ANKH: variants seen among roughly 807,000 people sequenced by gnomAD.
The protein encoded by ANKH is ANKH inorganic pyrophosphate transport regulator.
ANKH carries 15 observed loss-of-function variants against 49.0 expected under a neutral mutation model. That is an observed-to-expected ratio of 0.31 (90% confidence interval 0.20 to 0.47). The LOEUF (loss-of-function observed/expected upper bound fraction) is 0.47. Among genes scored for constraint, ANKH ranks in the 20% least tolerant of loss-of-function variants. ANKH has a pLI of 1.00. For synonymous variants in ANKH, 273 were observed against 260.0 expected, an observed-to-expected ratio of 1.05 and a Z score of -0.48; for missense variants, 429 against 652.0, an observed-to-expected ratio of 0.66 and a Z score of 3.72.
chr5:14,739,875 G>A (rs1326194569), intron 8 of ANKH, among the ~76,000 whole-genome samples: 1 of 152,214 alleles, frequency 6.6e-6, no homozygotes, highest in African/African-American at 2.4e-5. Flanking sequence ...AATTTACCCT[G>A]AGAAACTTCA....
At position 14,713,749 on chromosome 5, in the gene ANKH, C is replaced by A; in HGVS notation, c.1142-82G>T. 6.2e-7 allele frequency: 1 copy of A among 1,600,258 alleles called. No individual in the cohort carries two copies. Among genetic ancestry groups the A allele is most frequent in the Non-Finnish European group, 8.5e-7 (1 of 1,171,188 alleles). ...CTGCCTCTGGACCAGGGCAGCACAT[C>A]CGAGAGCCAGGGGCTGCCTAGGACC... On this transcript the variant is annotated intron_variant, in intron 9 of 11. Coordinates refer to ENST00000284268, the MANE Select transcript of ANKH (RefSeq NM_054027.6). The surrounding 1 kb of genome is among the most constrained non-coding windows in gnomAD (Gnocchi z 4.4).
chr5:14,797,794 A>C (rs1445586465), intron 1 of ANKH: 3 of 1,611,340 alleles, frequency 1.9e-6, no homozygotes, highest in Non-Finnish European at 2.5e-6. Flanking sequence ...TCCCACAGGC[A>C]GATGGTGTGG....
intron 1 of ANKH, among the ~76,000 whole-genome samples, chr5:14,781,558 T>C (rs1407303620): frequency 1.3e-5 from 2 of 152,190 alleles, no homozygotes; most frequent in Admixed American, 1.3e-4. Flanking sequence ...AAAAGCATTT[T>C]CCTGTATGAC....
At chr5:14,758,640 G>GAATATAAA in intron 2 of ANKH, 42 bp from the exon 3 acceptor site, 3 of 1,314,178 alleles carry the variant, frequency 2.3e-6, no homozygotes, top group Non-Finnish European at 3.3e-6. Context: ...ATTTAGAAAA[G>GAATATAAA]GATATCTTTA....
At chr5:14,796,464 A>AC (rs1236181058) in intron 1 of ANKH, among the ~76,000 whole-genome samples, 11 of 126,244 alleles carry the variant, frequency 8.7e-5, no homozygotes, top group Admixed American at 1.8e-4. Flanking sequence ...AAAAAAAAAA[A>AC]ACACACACCA....
At chr5:14,828,929 G>A (rs146021428) in intron 1 of ANKH, among the ~76,000 whole-genome samples, 2,054 of 152,314 alleles carry the variant, frequency 0.013, 18 homozygotes, top group Non-Finnish European at 0.02. Flanking sequence ...GCTCACGCCT[G>A]TAATCCCAAC....
In ANKH at chr5:14,842,824, GGGT is replaced by G. The variant is rs537120270; in HGVS notation, c.96+28525_96+28527del. On this transcript the variant is annotated intron_variant, in intron 1 of 11. Transcript: ENST00000284268. ...ATGCAGGAGCAATCATATCACCCAT[GGGT>G]GGTGATTTTCTTCCCTTTCTTCTCT... Among the ~76,000 whole-genome samples the G allele has an allele frequency of 1.1e-4, 16 of 152,232 alleles. No homozygotes were observed. The East Asian group carries it at 2.3e-3, about 22-fold the overall frequency.
At chr5:14,831,833 C>T (rs1347533724) in intron 1 of ANKH, among the ~76,000 whole-genome samples, 1 of 152,152 alleles carries the variant, frequency 6.6e-6, no homozygotes, top group Non-Finnish European at 1.5e-5. Flanking sequence ...AAGCAGTTAC[C>T]AAACCATGGA....
intron 1 of ANKH, among the ~76,000 whole-genome samples, chr5:14,805,686 T>C (rs1580082499): frequency 6.6e-6 from 1 of 152,066 alleles, no homozygotes; most frequent in East Asian, 2.0e-4. Context: ...TACATTTCTT[T>C]CCCTGTTAGA....
At chr5:14,775,188 G>A (rs573116) in intron 1 of ANKH, among the ~76,000 whole-genome samples, 117,051 of 151,852 alleles carry the variant, frequency 0.77, 45,172 homozygotes, top group South Asian at 0.86. Flanking sequence ...CCTCCTGAGT[G>A]GCTGGGACTA....
At chr5:14,767,685 T>C (rs1471185108) in intron 2 of ANKH, among the ~76,000 whole-genome samples, 2 of 152,212 alleles carry the variant, frequency 1.3e-5, no homozygotes, top group African/African-American at 4.8e-5. Context: ...ATAGGGAATG[T>C]TGGATTATTT....
At chr5:14,861,603 A>G (rs1735496832) in intron 1 of ANKH, among the ~76,000 whole-genome samples, 1 of 152,104 alleles carries the variant, frequency 6.6e-6, no homozygotes, top group African/African-American at 2.4e-5. Context: ...TCCAGAGTAC[A>G]CAGCCACACA....
intron 1 of ANKH, among the ~76,000 whole-genome samples, chr5:14,806,355 C>T (rs1160997463): frequency 6.6e-6 from 1 of 151,992 alleles, no homozygotes; most frequent in Non-Finnish European, 1.5e-5. Context: ...TAGAAGCCTA[C>T]TGCTTAGTCA....
At chr5:14,817,434 A>T (rs1039406941) in intron 1 of ANKH, among the ~76,000 whole-genome samples, 5 of 152,246 alleles carry the variant, frequency 3.3e-5, no homozygotes, top group Non-Finnish European at 2.9e-5. Context: ...GAAGGAATAT[A>T]GGCATTTCTG....
chr5:14,863,614 T>C (rs1375434584), intron 1 of ANKH, among the ~76,000 whole-genome samples: 1 of 152,206 alleles, frequency 6.6e-6, no homozygotes, highest in Non-Finnish European at 1.5e-5. Context: ...TTTTCTCTAT[T>C]GCATCTCTGC....
chr5:14,714,608 G>A (rs1173614646), intron 9 of ANKH, among the ~76,000 whole-genome samples: 1 of 152,180 alleles, frequency 6.6e-6, no homozygotes, highest in African/African-American at 2.4e-5. Flanking sequence ...GCCTTCCTCT[G>A]GGTGGAAGCC....
rs528919389 is a variant in ANKH, at chr5:14,716,249, C to T, written c.1141+457G>A. On this transcript the variant is annotated intron_variant, in intron 9 of 11. Coordinates refer to ENST00000284268, the MANE Select transcript of ANKH (RefSeq NM_054027.6). The stretch of plus-strand genomic sequence containing the variant: ...AGGTGCAGTGGCTCACGCCTGTAAT[C>T]CCAGCACTTTGCCGAGGAGGAGCAC... Among the ~76,000 whole-genome samples, 7 of 152,266 alleles carry T rather than the reference C, an allele frequency of 4.6e-5. No individual in the cohort carries two copies. The South Asian group carries it at 1.5e-3, about 32-fold the overall frequency.
At chr5:14,740,555 G>A (rs1738322115) in intron 8 of ANKH, among the ~76,000 whole-genome samples, 1 of 152,232 alleles carries the variant, frequency 6.6e-6, no homozygotes, top group Non-Finnish European at 1.5e-5. Flanking sequence ...AAGGGGCTGT[G>A]TTGGTGGTGA....
At chr5:14,751,296 G>A (rs989867306) in intron 4 of ANKH, 57 bp from the exon 5 acceptor site, 31 of 1,557,602 alleles carry the variant, frequency 2.0e-5, no homozygotes, top group Non-Finnish European at 2.6e-5. Flanking sequence ...CCGACTGACA[G>A]AAGCACAGGG....
Sources: allele counts gnomAD v4.1 joint callset (sites outside exome capture counted in the v4.1 genomes callset), GRCh38; gene constraint gnomAD v4.1.1; non-coding constraint Gnocchi (gnomAD v3.1); transcripts MANE v1.5; gene names NCBI Gene and HGNC (gene_info 2026-07-23, HGNC 2026-07-21).